The following COL4A5 variants were observed in gnomAD, a reference collection of about 807,000 sequenced individuals.
COL4A5 encodes the protein collagen alpha-5(IV) chain.
Under a neutral mutation model 130.2 loss-of-function variants are expected in COL4A5, and 26 were observed. The observed-to-expected ratio is 0.20, with a 90% confidence interval of 0.15 to 0.28. The LOEUF is 0.28. Among genes scored for constraint, COL4A5 ranks in the 10% least tolerant of loss-of-function variants. The pLI is 1.00. For missense variants in COL4A5, 1,131 were observed against 1,344.3 expected, an observed-to-expected ratio of 0.84 and a Z score of 2.48; for synonymous variants, 496 against 439.6, an observed-to-expected ratio of 1.13 and a Z score of -1.60.
rs776112917 is a variant in COL4A5, at chrX:108,666,602, A to G, written c.3553+8A>G. Reference sequence around the variant, plus strand: ...GACAGAAGGGTGAACCAGGTGCTGTAGTTTTTCATTTTTCCTATTTTTCTA... The same window carrying G: ...GACAGAAGGGTGAACCAGGTGCTGTGGTTTTTCATTTTTCCTATTTTTCTA... On this transcript the variant is annotated splice_region_variant and intron_variant, in intron 39 of 52. Coordinates refer to ENST00000328300, the MANE Select transcript of COL4A5 (RefSeq NM_033380.3). 8.5e-7 allele frequency: 1 copy of G among 1,175,140 alleles called. No individual in the cohort carries two copies. The highest frequency in any genetic ancestry group is 1.2e-6 in the Non-Finnish European group (1 of 868,923).
chrX:108,638,334 T>G (rs986825626), intron 36 of COL4A5, among the ~76,000 whole-genome samples: 1 of 111,120 alleles, frequency 9.0e-6, no homozygotes, highest in Non-Finnish European at 1.9e-5. Flanking sequence ...ACATGATCAC[T>G]TAATTAATGC....
At chrX:108,585,089 G>A (rs944590625) in intron 18 of COL4A5, among the ~76,000 whole-genome samples, 1 of 112,033 alleles carries the variant, frequency 8.9e-6, no homozygotes, top group African/African-American at 3.2e-5. Flanking sequence ...TTTCTGTCAT[G>A]TTTGTGTTCA....
intron 1 of COL4A5, among the ~76,000 whole-genome samples, chrX:108,526,656 CTTTCTTCT>C (rs1472992707): frequency 5.8e-5 from 3 of 51,766 alleles, no homozygotes; most frequent in African/African-American, 1.2e-4. Flanking sequence ...TTCTTTCTTT[CTTTCTTCT>C]TTCTTTCTCT....
At chrX:108,584,670 C>A (rs1310783184) in intron 18 of COL4A5, 145 bp downstream of exon 18, 11 of 514,380 alleles carry the variant, frequency 2.1e-5, no homozygotes, top group Non-Finnish European at 3.3e-5. Context: ...AAAGTCTTTA[C>A]ATCTAAAATC....
rs755761675 is a variant in COL4A5 at position 108,586,756 on chromosome X, G to T, written c.1165+9G>T. On this transcript the variant is annotated intron_variant, in intron 19 of 52. Transcript: ENST00000328300. Reference sequence around the variant, plus strand: ...CCTTCCTGGACCTCCAGGTAAATGAGATTGCATTTATGGCCTTGTTCTTAT... The same window carrying T: ...CCTTCCTGGACCTCCAGGTAAATGATATTGCATTTATGGCCTTGTTCTTAT... The T allele has an allele frequency of 1.7e-6, 2 of 1,205,656 alleles. No individual in the cohort carries two copies. Among genetic ancestry groups the T allele is most frequent in the Admixed American group, 4.4e-5 (2 of 45,875 alleles).
At chrX:108,620,235 T>G in intron 30 of COL4A5, 24 bp from the exon 31 acceptor site, 2 of 1,165,586 alleles carry the variant, frequency 1.7e-6, no homozygotes, top group Non-Finnish European at 2.3e-6. Flanking sequence ...CAGTACTTAT[T>G]AATATTGATA....
At chrX:108,553,857 G>T (rs182646399) in intron 2 of COL4A5, among the ~76,000 whole-genome samples, 78 of 111,821 alleles carry the variant, frequency 7.0e-4, no homozygotes, top group Middle Eastern at 4.6e-3. Context: ...TCAACACATT[G>T]CAGTATACCT....
At chrX:108,627,300 A>G (rs960815609) in intron 36 of COL4A5, 9 of 667,202 alleles carry the variant, frequency 1.3e-5, no homozygotes, top group Non-Finnish European at 1.4e-5. Context: ...TTCATGCCCC[A>G]TCCTCTTTTT....
intron 22 of COL4A5, 102 bp from the exon 23 acceptor site, chrX:108,596,896 A>G: frequency 1.2e-6 from 1 of 848,555 alleles, no homozygotes. Context: ...TAAAAACTTG[A>G]CTTTCTGACT....
intron 43 of COL4A5, chrX:108,677,117 C>T (rs2068318468): frequency 1.8e-5 from 2 of 113,916 alleles, no homozygotes. Context: ...TTTTAACAAG[C>T]CCTCTAGTTG....
At chrX:108,546,379 G>T (rs2065655278) in intron 2 of COL4A5, among the ~76,000 whole-genome samples, 1 of 111,618 alleles carries the variant, frequency 9.0e-6, no homozygotes, top group African/African-American at 3.3e-5. Flanking sequence ...GTTTAGTTTG[G>T]CTGGATATGA....
At chrX:108,545,226 G>C (rs1442224569) in intron 2 of COL4A5, among the ~76,000 whole-genome samples, 2 of 111,262 alleles carry the variant, frequency 1.8e-5, no homozygotes, top group Non-Finnish European at 3.8e-5. Context: ...GATCTTTCCT[G>C]CTTTCTCTTG....
chrX:108,693,252 G>A (rs765950529), intron 50 of COL4A5, among the ~76,000 whole-genome samples: 2 of 111,361 alleles, frequency 1.8e-5, no homozygotes, highest in African/African-American at 6.5e-5. Flanking sequence ...GGAAAGAGAT[G>A]TTTAGTTTCA....
At chrX:108,530,038 G>A (rs988929149) in intron 1 of COL4A5, among the ~76,000 whole-genome samples, 9 of 111,055 alleles carry the variant, frequency 8.1e-5, no homozygotes, top group Non-Finnish European at 1.7e-4. Context: ...TATAAATAGG[G>A]CTTCAGACCC....
chrX:108,518,632 CTAAG>C (rs2065241332), intron 1 of COL4A5, among the ~76,000 whole-genome samples: 1 of 111,087 alleles, frequency 9.0e-6, no homozygotes, highest in Non-Finnish European at 1.9e-5. Context: ...CTCAAAAAAA[CTAAG>C]TAAGCATATT....
intron 1 of COL4A5, among the ~76,000 whole-genome samples, chrX:108,534,168 A>G (rs1441637081): frequency 1.8e-5 from 2 of 110,183 alleles, no homozygotes; most frequent in Non-Finnish European, 3.8e-5. Context: ...GAGAGAGAGA[A>G]AGAGAAAGAA....
chrX:108,506,178 A>G (rs1021113840), intron 1 of COL4A5, among the ~76,000 whole-genome samples: 1 of 111,577 alleles, frequency 9.0e-6, no homozygotes, highest in Non-Finnish European at 1.9e-5. Context: ...TTTCTGGTTC[A>G]TTTTATACAT....
intron 8 of COL4A5, among the ~76,000 whole-genome samples, 178 bp from the exon 9 acceptor site, chrX:108,573,396 A>G (rs932828245): frequency 3.6e-5 from 4 of 111,576 alleles, no homozygotes; most frequent in East Asian, 2.8e-4. Context: ...TCTTCAGTGT[A>G]CTCTGGCCAC....
At chrX:108,667,212 A>T (rs78136971) in intron 40 of COL4A5, 29 bp downstream of exon 40, 1 of 1,135,917 alleles carries the variant, frequency 8.8e-7, no homozygotes, top group African/African-American at 1.8e-5. Flanking sequence ...TGCTAAATCA[A>T]TCTATAATAA....
Sources: allele counts gnomAD v4.1 joint callset (sites outside exome capture counted in the v4.1 genomes callset), GRCh38; gene constraint gnomAD v4.1.1; transcripts MANE v1.5; gene names NCBI Gene and HGNC (gene_info 2026-07-23, HGNC 2026-07-21).